Variants in GCNT2 observed in about 807,000 individuals in gnomAD.
The protein encoded by GCNT2 is glucosaminyl (N-acetyl) transferase 2 (I blood group).
GCNT2 carries 34 observed loss-of-function variants against 34.2 expected under a neutral mutation model. That is an observed-to-expected ratio of 1.00 (90% CI 0.76 to 1.32). GCNT2 has a LOEUF of 1.32. GCNT2 is among the 40% of genes most tolerant of loss of function. GCNT2 has a pLI of 0.00. For synonymous variants in GCNT2, 212 were observed against 188.0 expected (o/e 1.13, Z -1.04); for missense variants, 584 against 489.4 (o/e 1.19, Z -1.82).
intron 3 of GCNT2, among the ~76,000 whole-genome samples, chr6:10,537,722 A>AC (rs1561784293): frequency 7.0e-6 from 1 of 142,130 alleles, no homozygotes; most frequent in Non-Finnish European, 1.5e-5. Flanking sequence ...AAAAAAAAAA[A>AC]AAAACAAAAC....
At chr6:10,530,032 TCACAGGACAAAAGA>T in intron 3 of GCNT2, 196 bp downstream of exon 3, 1 of 573,136 alleles carries the variant, frequency 1.7e-6, no homozygotes, top group South Asian at 2.1e-5. Flanking sequence ...ACCGCTCTGT[TCACAGGACAAAAGA>T]CCGAAGGAAC....
chr6:10,585,086 A>G (rs1388315063), intron 3 of GCNT2, among the ~76,000 whole-genome samples: 1 of 148,724 alleles, frequency 6.7e-6, no homozygotes, highest in Non-Finnish European at 1.5e-5. Context: ...TGTGCGCGCT[A>G]TATTCTGACA....
At chr6:10,588,175 C>T (rs1231968026) in intron 3 of GCNT2, among the ~76,000 whole-genome samples, 1 of 152,108 alleles carries the variant, frequency 6.6e-6, no homozygotes, top group Non-Finnish European at 1.5e-5. Flanking sequence ...ATTATGCTGT[C>T]TCATGCGCAA....
chr6:10,555,269 A>G (rs1762643802), intron 3 of GCNT2, among the ~76,000 whole-genome samples: 1 of 152,196 alleles, frequency 6.6e-6, no homozygotes, highest in South Asian at 2.1e-4. Flanking sequence ...TCTACATTTC[A>G]TTAAAAATTA....
chr6:10,579,051 G>T (rs754814447), intron 3 of GCNT2, among the ~76,000 whole-genome samples: 5 of 152,144 alleles, frequency 3.3e-5, no homozygotes, highest in Non-Finnish European at 4.4e-5. Context: ...GTTTTAATAT[G>T]AATTTCTCTG....
At chr6:10,592,192 C>G (rs553763171) in intron 3 of GCNT2, among the ~76,000 whole-genome samples, 34 of 152,318 alleles carry the variant, frequency 2.2e-4, no homozygotes, top group South Asian at 6.2e-4. Flanking sequence ...GAGATAAATT[C>G]TGGCTGAAGG....
At chr6:10,607,049 C>T (rs773089119) in intron 3 of GCNT2, among the ~76,000 whole-genome samples, 10 of 151,978 alleles carry the variant, frequency 6.6e-5, no homozygotes, top group African/African-American at 9.7e-5. Context: ...CGGGTTCAAG[C>T]GATTCTCCTG....
At chr6:10,562,512 G>GT (rs1189847500) in intron 3 of GCNT2, among the ~76,000 whole-genome samples, 1 of 151,922 alleles carries the variant, frequency 6.6e-6, no homozygotes, top group South Asian at 2.1e-4. Flanking sequence ...GAGCCCAAGA[G>GT]TTTGAGACCA....
chr6:10,563,109 C>G (rs1763081593), intron 3 of GCNT2, among the ~76,000 whole-genome samples: 2 of 151,932 alleles, frequency 1.3e-5, no homozygotes, highest in Admixed American at 1.3e-4. Context: ...GAATTGAGAT[C>G]ATGCCACTGA....
intron 3 of GCNT2, among the ~76,000 whole-genome samples, chr6:10,541,799 C>T (rs1258844947): frequency 2.0e-5 from 3 of 152,150 alleles, no homozygotes; most frequent in African/African-American, 7.2e-5. Flanking sequence ...CTGCAAAAAT[C>T]CTGGTTATCT....
chr6:10,556,862 A>G (rs1175424109), intron 3 of GCNT2: 2 of 1,614,058 alleles, frequency 1.2e-6, no homozygotes, highest in African/African-American at 2.7e-5. Flanking sequence ...CTGCTTCCCA[A>G]ACGCTTTTCT....
At chr6:10,532,728 T>G (rs1761554619) in intron 3 of GCNT2, among the ~76,000 whole-genome samples, 1 of 152,100 alleles carries the variant, frequency 6.6e-6, no homozygotes, top group African/African-American at 2.4e-5. Context: ...CTCAGCCTCG[T>G]GAGCCACCAC....
intron 3 of GCNT2, among the ~76,000 whole-genome samples, chr6:10,566,094 C>G (rs1434839944): frequency 6.6e-6 from 1 of 152,154 alleles, no homozygotes. Flanking sequence ...TCTGCCACTC[C>G]CAGCCTTCCT....
intron 3 of GCNT2, chr6:10,619,123 T>G (rs896610469): frequency 1.3e-5 from 2 of 152,216 alleles, no homozygotes; most frequent in Non-Finnish European, 2.9e-5. Flanking sequence ...TTCAAAATAT[T>G]GGTCTTGTCC....
At chr6:10,540,378 C>T (rs1761984307) in intron 3 of GCNT2, among the ~76,000 whole-genome samples, 1 of 113,372 alleles carries the variant, frequency 8.8e-6, no homozygotes, top group Non-Finnish European at 1.7e-5. Context: ...CTTTGCTGCT[C>T]ATTCTCCTCT....
At chr6:10,623,433 A>G (rs1241770829) in intron 4 of GCNT2, among the ~76,000 whole-genome samples, 1 of 151,792 alleles carries the variant, frequency 6.6e-6, no homozygotes, top group Admixed American at 6.6e-5. Flanking sequence ...CTGAGATTAC[A>G]GGCACCCACC....
chr6:10,529,884 T>G, intron 3 of GCNT2, 48 bp downstream of exon 3: 1 of 1,377,766 alleles, frequency 7.3e-7, no homozygotes, highest in Non-Finnish European at 1.0e-6. Context: ...CACTGCATGG[T>G]CAATACTAAA....
intron 3 of GCNT2, among the ~76,000 whole-genome samples, chr6:10,579,298 C>T (rs960043298): frequency 6.6e-6 from 1 of 152,132 alleles, no homozygotes; most frequent in African/African-American, 2.4e-5. Context: ...AAAAAACCCA[C>T]TATATTAAAT....
chr6:10,532,628 T>C (rs1341978961), intron 3 of GCNT2, among the ~76,000 whole-genome samples: 4 of 152,110 alleles, frequency 2.6e-5, no homozygotes, highest in African/African-American at 9.7e-5. Context: ...TGTGCCCCCA[T>C]GCCTGGCTAA....
Sources: gnomAD v4.1 joint callset for allele counts (sites outside exome capture counted in the v4.1 genomes callset) on GRCh38, gnomAD v4.1.1 for gene constraint, MANE v1.5 for transcripts, NCBI Gene and HGNC (gene_info 2026-07-23, HGNC 2026-07-21) for gene names.